AVEN: variants seen among roughly 807,000 people sequenced by gnomAD.
AVEN encodes the protein cell death regulator Aven.
Under a neutral mutation model 38.1 loss-of-function variants are expected in AVEN, and 41 were observed. The observed-to-expected ratio is 1.08, with a 90% CI of 0.84 to 1.40. AVEN has a LOEUF of 1.40. AVEN is among the 40% of genes most tolerant of loss of function. The probability of loss-of-function intolerance (pLI) is 0.00; values close to 1 mark genes in which losing one functional copy is unlikely to be tolerated. For missense variants in AVEN, 605 were observed against 438.8 expected (o/e 1.38, Z -3.38); for synonymous variants, 206 against 171.8 (o/e 1.20, Z -1.56).
chr15:33,999,455 T>C (rs968390360), intron 2 of AVEN, among the ~76,000 whole-genome samples: 3 of 152,320 alleles, frequency 2.0e-5, no homozygotes, highest in East Asian at 3.9e-4. Flanking sequence ...GAATTCTGAC[T>C]GCAACAGGTA....
At chr15:33,888,910 C>G (rs1409826948) in intron 2 of AVEN, among the ~76,000 whole-genome samples, 1 of 152,022 alleles carries the variant, frequency 6.6e-6, no homozygotes, top group Non-Finnish European at 1.5e-5. Flanking sequence ...TGCCACCACG[C>G]CCAGCTAAAG....
chr15:33,989,960 T>G (rs1896647386), intron 2 of AVEN, among the ~76,000 whole-genome samples: 3 of 150,988 alleles, frequency 2.0e-5, no homozygotes, highest in African/African-American at 7.3e-5. Context: ...TCCCAGCACT[T>G]TGGGAGGCCA....
At chr15:34,051,195 C>T (rs1899914504) in intron 5 of AVEN, among the ~76,000 whole-genome samples, 1 of 152,206 alleles carries the variant, frequency 6.6e-6, no homozygotes, top group South Asian at 2.1e-4. Flanking sequence ...AAGAAATTCA[C>T]TCACAACCAC....
downstream of AVEN, chr15:33,864,744 A>G (rs562089573): frequency 1.6e-4 from 31 of 194,006 alleles, no homozygotes; most frequent in Middle Eastern, 4.1e-3. Context: ...CACTCATTCA[A>G]TGGGAGAGGT....
rs147300450 is a variant in AVEN at position 33,916,749 on chromosome 15, T to G, written c.446-40754A>C. 5.2e-4 allele frequency among the ~76,000 whole-genome samples: 79 copies of G among 152,120 alleles called. 1 individual carries two copies. Among genetic ancestry groups the G allele is most frequent in the South Asian group, 4.4e-3 (21 of 4,814 alleles). ...TTACACTGCTGGTGTGAATGTAAAC[T>G]AGTACAACCATCGTTATTAGTCTGT... On this transcript the variant is annotated intron_variant, in intron 2 of 5. Transcript: ENST00000306730.
At chr15:34,008,397 G>A (rs879793099) in intron 1 of AVEN, among the ~76,000 whole-genome samples, 3 of 151,402 alleles carry the variant, frequency 2.0e-5, no homozygotes, top group Admixed American at 6.6e-5. Context: ...TGAAGCCTGG[G>A]GGACAGAGCA....
chr15:33,977,007 T>G (rs1162387905), intron 2 of AVEN, among the ~76,000 whole-genome samples: 3 of 152,118 alleles, frequency 2.0e-5, no homozygotes, highest in Admixed American at 2.0e-4. Context: ...AGAAAAGAGA[T>G]AGCTAAACTC....
At chr15:33,882,095 T>C (rs1189612934) in intron 2 of AVEN, among the ~76,000 whole-genome samples, 1 of 152,154 alleles carries the variant, frequency 6.6e-6, no homozygotes, top group East Asian at 1.9e-4. Context: ...ACTGTCTGAC[T>C]TACAGAATAT....
At chr15:33,952,717 G>A (rs1415420670) in intron 2 of AVEN, among the ~76,000 whole-genome samples, 1 of 152,030 alleles carries the variant, frequency 6.6e-6, no homozygotes, top group Non-Finnish European at 1.5e-5. Context: ...TCCAACTGAG[G>A]AAAACAGCAT....
At chr15:33,938,252 G>A (rs569554349) in intron 2 of AVEN, among the ~76,000 whole-genome samples, 23 of 152,050 alleles carry the variant, frequency 1.5e-4, no homozygotes, top group Non-Finnish European at 2.9e-4. Context: ...TCAGGAGATC[G>A]AGACCATCCT....
chr15:33,880,646 C>G (rs1476013416), intron 2 of AVEN, among the ~76,000 whole-genome samples: 1 of 152,080 alleles, frequency 6.6e-6, no homozygotes, highest in Non-Finnish European at 1.5e-5. Flanking sequence ...CTATCAATAG[C>G]CTCCAATGAT....
intron 2 of AVEN, among the ~76,000 whole-genome samples, chr15:33,902,459 A>C (rs1241756297): frequency 6.6e-6 from 1 of 152,242 alleles, no homozygotes; most frequent in Non-Finnish European, 1.5e-5. Flanking sequence ...TCACTCATGA[A>C]AAACATACAA....
Position 33,861,052 on chromosome 15 carries a change from C to G in AVEN, n.2730-1958G>C, listed in dbSNP as rs748903204. ...CCTGCCTATATTATGCCAACAAATG[C>G]CTTTTCTGCCTGTTATTTTTCTTAG... is the stretch of plus-strand genomic sequence containing the variant. On this transcript the variant is annotated intron_variant and non_coding_transcript_variant, in intron 11 of 11. Coordinates refer to the AVEN transcript ENST00000675287. 1.3e-5 allele frequency: 19 copies of G among 1,503,608 alleles called. No individual in the cohort carries two copies. The South Asian group carries it at 2.2e-4, about 17-fold the overall frequency. The allele number at this position is 1,503,608 out of a possible 1,614,324, so 93.1% of individuals were successfully genotyped here. A position where few individuals can be genotyped will look rare whatever the true frequency, so the allele number is the denominator to read the frequency against.
intron 2 of AVEN, among the ~76,000 whole-genome samples, chr15:33,899,981 G>A (rs1892421604): frequency 6.6e-6 from 1 of 151,154 alleles, no homozygotes; most frequent in Non-Finnish European, 1.5e-5. Context: ...GTGCAAAGAA[G>A]TAAACAGAAC....
chr15:33,983,247 T>C (rs189196375), intron 2 of AVEN, among the ~76,000 whole-genome samples: 1,879 of 131,030 alleles, frequency 0.014, 70 homozygotes, highest in African/African-American at 0.062. Context: ...CACACACACA[T>C]ATATATGGCT....
chr15:34,071,086 T>C (rs960724328), intron 1 of AVEN, among the ~76,000 whole-genome samples: 2 of 152,188 alleles, frequency 1.3e-5, no homozygotes, highest in African/African-American at 4.8e-5. Context: ...CAGTGATGCC[T>C]TCATGCTCCT....
intron 2 of AVEN, among the ~76,000 whole-genome samples, chr15:33,879,010 G>A (rs990923184): frequency 6.6e-5 from 10 of 151,940 alleles, no homozygotes; most frequent in African/African-American, 2.4e-4. Flanking sequence ...ATGTAAAAAA[G>A]GCATGCTATA....
intron 2 of AVEN, among the ~76,000 whole-genome samples, chr15:33,894,349 T>C (rs1203069635): frequency 2.6e-5 from 4 of 151,946 alleles, no homozygotes; most frequent in African/African-American, 4.8e-5. Context: ...ACGCACTGGA[T>C]ACTGCAGCTA....
downstream of AVEN, chr15:33,856,394 T>TGA (rs1452492575): frequency 6.6e-6 from 1 of 152,240 alleles, no homozygotes; most frequent in Non-Finnish European, 1.5e-5. Context: ...GCCTAGTCCT[T>TGA]GAGAGAGGTC....
Sources: gnomAD v4.1 joint callset for allele counts (sites outside exome capture counted in the v4.1 genomes callset) on GRCh38, gnomAD v4.1.1 for gene constraint, MANE v1.5 for transcripts, NCBI Gene and HGNC (gene_info 2026-07-23, HGNC 2026-07-21) for gene names.